MARCHF8: variants seen among roughly 807,000 people sequenced by gnomAD.
MARCHF8 encodes membrane associated ring-CH-type finger 8, also known as E3 ubiquitin-protein ligase MARCHF8.
A neutral mutation model predicts 51.6 loss-of-function variants in MARCHF8; 40 were observed. That is an observed-to-expected ratio of 0.77 (90% CI 0.60 to 1.01). The LOEUF is 1.01. Ranked by LOEUF, MARCHF8 falls within the 50% of genes least tolerant of loss-of-function variation. The pLI is 0.00. For synonymous variants in MARCHF8, 263 were observed against 280.3 expected (o/e 0.94, Z 0.62); for missense variants, 685 against 708.6 (o/e 0.97, Z 0.38).
chr10:45,590,950 A>G (rs2044673664), intron 1 of MARCHF8, among the ~76,000 whole-genome samples: 1 of 152,202 alleles, frequency 6.6e-6, no homozygotes, highest in African/African-American at 2.4e-5. Flanking sequence ...ATGACGTTCC[A>G]CCATTGTGAT....
intron 1 of MARCHF8, among the ~76,000 whole-genome samples, chr10:45,553,976 A>G (rs2044224766): frequency 6.6e-6 from 1 of 152,222 alleles, no homozygotes; most frequent in Non-Finnish European, 1.5e-5. Context: ...TGTTTTCCAT[A>G]ATTGTTTAAA....
chr10:45,572,099 AGC>A (rs2044435644), intron 1 of MARCHF8, among the ~76,000 whole-genome samples: 6 of 149,926 alleles, frequency 4.0e-5, no homozygotes, highest in African/African-American at 1.5e-4. Context: ...CTGGGGGGCA[AGC>A]ACCCCTTACC....
chr10:45,553,998 A>G (rs1174945653), intron 1 of MARCHF8, among the ~76,000 whole-genome samples: 2 of 152,254 alleles, frequency 1.3e-5, no homozygotes, highest in Admixed American at 1.3e-4. Context: ...AATAATTGAA[A>G]AACTGTCATC....
intron 2 of MARCHF8, among the ~76,000 whole-genome samples, chr10:45,511,296 C>T (rs539281859): frequency 2.6e-5 from 4 of 152,204 alleles, no homozygotes; most frequent in Admixed American, 6.5e-5. Context: ...AATAAATACA[C>T]GAAAACCTTG....
intron 3 of MARCHF8, among the ~76,000 whole-genome samples, chr10:45,484,835 A>C (rs2042951691): frequency 6.6e-6 from 1 of 152,232 alleles, no homozygotes; most frequent in Non-Finnish European, 1.5e-5. Context: ...CCATACCTAG[A>C]TCATCATGAC....
chr10:45,517,794 C>T (rs1419666231), intron 2 of MARCHF8, among the ~76,000 whole-genome samples: 1 of 152,226 alleles, frequency 6.6e-6, no homozygotes, highest in African/African-American at 2.4e-5. Flanking sequence ...TTCTTGTATA[C>T]CTTCATGAAA....
intron 2 of MARCHF8, among the ~76,000 whole-genome samples, chr10:45,513,300 A>G (rs1312664901): frequency 1.3e-5 from 2 of 152,142 alleles, no homozygotes; most frequent in Non-Finnish European, 1.5e-5. Flanking sequence ...ATGAGCAAGT[A>G]ACCTTTCTAG....
In MARCHF8 at chr10:45,521,115, G is replaced by T. The variant is rs1045288225; in HGVS notation, c.102+11995C>A. Among the ~76,000 whole-genome samples the T allele has an allele frequency of 2.6e-5, 4 of 152,110 alleles. No individual in the cohort carries two copies. In the South Asian group the frequency reaches 8.3e-4, roughly 32 times the overall value. On this transcript the variant is annotated intron_variant, in intron 2 of 7. Coordinates refer to ENST00000453424, the MANE Select transcript of MARCHF8 (RefSeq NM_001282866.2). ...AACTCACTCTGCTTTGCTTTTAAGGGTCTTTTCCCCAAAAGTTCTTCATTG... is the reference window on the plus strand; with the variant it reads ...AACTCACTCTGCTTTGCTTTTAAGGTTCTTTTCCCCAAAAGTTCTTCATTG...
chr10:45,586,150 C>T (rs75758972), intron 1 of MARCHF8, among the ~76,000 whole-genome samples: 5,354 of 152,162 alleles, frequency 0.035, 144 homozygotes, highest in Non-Finnish European at 0.052. Context: ...CGTAGTATAA[C>T]CACCACCCAA....
At chr10:45,500,417 T>C (rs75002645) in intron 2 of MARCHF8, among the ~76,000 whole-genome samples, 3,730 of 152,242 alleles carry the variant, frequency 0.025, 154 homozygotes, top group African/African-American at 0.084. Context: ...TGATGCTTTT[T>C]ACCTCTTTTT....
chr10:45,498,562 AC>A (rs1706118312), intron 2 of MARCHF8, among the ~76,000 whole-genome samples: 1 of 151,200 alleles, frequency 6.6e-6, no homozygotes, highest in South Asian at 2.1e-4. Flanking sequence ...TGCAACCTCT[AC>A]CTCCTGGGTT....
In MARCHF8 at chr10:45,456,259, T is replaced by C. The variant is rs930124640; in HGVS notation, c.*1980A>G. ...CCAGGCTGAGAAGGGGTATGGGTAA[T>C]TGCACTTCGGGGCACAGTGAACACA... is the stretch of plus-strand genomic sequence containing the variant. On this transcript the variant is annotated 3_prime_UTR_variant, in exon 8 of 8. Transcript: ENST00000453424. 1 of 152,336 alleles carries C rather than the reference T, an allele frequency of 6.6e-6. No homozygotes were observed. The highest frequency in any genetic ancestry group is 1.5e-5 in the Non-Finnish European group (1 of 68,178). The allele number at this position is 152,336 out of a possible 1,614,324, so 9.4% of individuals were successfully genotyped here.
chr10:45,468,085 T>C (rs1289408297), intron 3 of MARCHF8, among the ~76,000 whole-genome samples: 1 of 152,252 alleles, frequency 6.6e-6, no homozygotes, highest in Admixed American at 6.5e-5. Context: ...TTTATTTTAT[T>C]TCTTAGAAAT....
chr10:45,511,438 C>T lies in MARCHF8; in HGVS notation c.102+21672G>A, dbSNP rs540353141. Among the ~76,000 whole-genome samples the T allele has an allele frequency of 1.1e-4, 16 of 152,328 alleles. No individual in the cohort carries two copies. The South Asian group carries it at 1.7e-3, about 16-fold the overall frequency. On this transcript the variant is annotated intron_variant, in intron 2 of 7. Transcript: ENST00000453424. ...CGGTCTCCCTCTCCCTCTCTTTCCA[C>T]GGTCTCCCTCTGATGCCGAGCCGAA...
chr10:45,542,472 A>G (rs1450505837), intron 1 of MARCHF8, among the ~76,000 whole-genome samples: 2 of 152,068 alleles, frequency 1.3e-5, no homozygotes, highest in Non-Finnish European at 2.9e-5. Flanking sequence ...TATATACTTC[A>G]ATGCAGAAAT....
At position 45,463,159 on chromosome 10, in the gene MARCHF8, A is replaced by G. The variant is rs1842847080; in HGVS notation, c.1080T>C (p.Asp360=). The G allele has an allele frequency of 6.5e-6, 10 of 1,548,972 alleles. No homozygotes were observed. Among genetic ancestry groups the G allele is most frequent in the Non-Finnish European group, 8.7e-6 (10 of 1,145,912 alleles). ...PPISPVSTSG[D]VCRICHCEGD... The stretch of plus-strand genomic sequence containing the variant: ...CTTCCTGGCAAACCAACCTGCAGAC[A>G]TCCCCTGACGTGGACACGGGAGATA... The change falls in exon 5 of 8, where the codon GAT becomes GAC. Residue 360 remains aspartate (D), a synonymous_variant. Coordinates refer to ENST00000453424, the MANE Select transcript of MARCHF8 (RefSeq NM_001282866.2).
At chr10:45,512,221 G>A (rs2043529768) in intron 2 of MARCHF8, among the ~76,000 whole-genome samples, 1 of 151,270 alleles carries the variant, frequency 6.6e-6, no homozygotes, top group African/African-American at 2.4e-5. Flanking sequence ...CCCCGTCTGA[G>A]AAGTGACGAG....
At chr10:45,539,241 G>A (rs2044017581), upstream of MARCHF8, among the ~76,000 whole-genome samples, 1 of 152,176 alleles carries the variant, frequency 6.6e-6, no homozygotes, top group Non-Finnish European at 1.5e-5. Flanking sequence ...AGAAATGAAG[G>A]CAGAAATAAA....
chr10:45,462,864 G>A (rs1052779269), intron 5 of MARCHF8, among the ~76,000 whole-genome samples: 1 of 152,124 alleles, frequency 6.6e-6, no homozygotes, highest in African/African-American at 2.4e-5. Flanking sequence ...GACCTCAGGT[G>A]ATCCACCCGC....
Sources: gnomAD v4.1 joint callset for allele counts (sites outside exome capture counted in the v4.1 genomes callset) on GRCh38, gnomAD v4.1.1 for gene constraint, MANE v1.5 for transcripts, NCBI Gene and HGNC (gene_info 2026-07-23, HGNC 2026-07-21) for gene names.